Variants in TRIQK observed in about 807,000 individuals in gnomAD.
TRIQK encodes triple QxxK/R motif containing.
In TRIQK, 10 loss-of-function variants were observed where a neutral mutation model predicts 10.8. That is an observed-to-expected ratio of 0.92 (90% CI 0.57 to 1.57). The LOEUF (loss-of-function observed/expected upper bound fraction) is 1.57, where lower values mean the gene tolerates loss of function less well. Among genes scored for constraint, TRIQK ranks in the 40% most tolerant of loss-of-function variants. The pLI, the probability that TRIQK is intolerant of heterozygous loss-of-function variation, is 0.00. For synonymous variants in TRIQK, 33 were observed against 33.7 expected (o/e 0.98, Z 0.07); for missense variants, 107 against 97.7 (o/e 1.09, Z -0.40).
At chr8:92,913,031 T>C (rs1809648411) in intron 3 of TRIQK, among the ~76,000 whole-genome samples, 1 of 152,108 alleles carries the variant, frequency 6.6e-6, no homozygotes. Flanking sequence ...CACTATTCTC[T>C]TATGAACATA....
intron 1 of TRIQK, among the ~76,000 whole-genome samples, chr8:92,981,307 A>G (rs1042980607): frequency 6.6e-6 from 1 of 151,388 alleles, no homozygotes; most frequent in African/African-American, 2.4e-5. Context: ...ATTTCTTTTG[A>G]TCTCTCTTTT....
At chr8:93,001,628 A>C (rs904491732) in intron 1 of TRIQK, among the ~76,000 whole-genome samples, 8 of 152,210 alleles carry the variant, frequency 5.3e-5, no homozygotes, top group African/African-American at 1.9e-4. Context: ...AGAGCTCCTG[A>C]ATATATAAAG....
chr8:92,936,501 T>C (rs1810995258), intron 2 of TRIQK, among the ~76,000 whole-genome samples: 1 of 151,530 alleles, frequency 6.6e-6, no homozygotes, highest in South Asian at 2.1e-4. Context: ...GCAAGGAATT[T>C]AGTATATAGA....
At chr8:92,994,445 A>C (rs996825555) in intron 1 of TRIQK, among the ~76,000 whole-genome samples, 3 of 151,428 alleles carry the variant, frequency 2.0e-5, no homozygotes, top group Admixed American at 1.3e-4. Context: ...AAATCACATA[A>C]TTTTTTTTCC....
intron 2 of TRIQK, among the ~76,000 whole-genome samples, chr8:92,947,521 T>A (rs1198367375): frequency 6.9e-6 from 1 of 144,538 alleles, no homozygotes; most frequent in African/African-American, 2.6e-5. Context: ...GAGGCGGAGG[T>A]TGCAGTGAGC....
intron 2 of TRIQK, among the ~76,000 whole-genome samples, chr8:92,936,963 T>G (rs544443595): frequency 9.9e-5 from 15 of 151,538 alleles, no homozygotes; most frequent in Non-Finnish European, 1.9e-4. Context: ...TTAAGAAGAG[T>G]AATTAATAAA....
chr8:92,970,251 C>A (rs962456983), upstream of TRIQK, among the ~76,000 whole-genome samples: 3 of 152,160 alleles, frequency 2.0e-5, no homozygotes, highest in African/African-American at 7.2e-5. Context: ...CTGCAATGAA[C>A]ATGCGCATGC....
At chr8:92,916,116 T>G (rs1304294796) in intron 3 of TRIQK, among the ~76,000 whole-genome samples, 1 of 152,122 alleles carries the variant, frequency 6.6e-6, no homozygotes, top group African/African-American at 2.4e-5. Context: ...GAAGTTACCT[T>G]TTTGCTTCTA....
intron 2 of TRIQK, among the ~76,000 whole-genome samples, chr8:92,935,347 T>C (rs1427332621): frequency 6.6e-6 from 1 of 151,750 alleles, no homozygotes; most frequent in African/African-American, 2.4e-5. Context: ...AAATTATTGC[T>C]AAAATAAAAT....
chr8:92,951,099 T>A (rs1811875826), intron 2 of TRIQK, among the ~76,000 whole-genome samples: 1 of 152,262 alleles, frequency 6.6e-6, no homozygotes, highest in South Asian at 2.1e-4. Context: ...ATTTTTCTGT[T>A]ATTTTTTTAT....
chr8:92,910,095 TG>T (rs1809493707), intron 3 of TRIQK, among the ~76,000 whole-genome samples: 1 of 151,554 alleles, frequency 6.6e-6, no homozygotes. Flanking sequence ...GTTGCTTTAT[TG>T]ATTATTTAAA....
chr8:92,902,607 G>T (rs1449660029), intron 3 of TRIQK, among the ~76,000 whole-genome samples: 3 of 152,088 alleles, frequency 2.0e-5, no homozygotes, highest in African/African-American at 7.2e-5. Context: ...TGTTCAGTTT[G>T]GTGTTCCTGT....
chr8:92,908,485 T>C (rs1041121274), intron 3 of TRIQK, among the ~76,000 whole-genome samples: 1 of 152,164 alleles, frequency 6.6e-6, no homozygotes, highest in Admixed American at 6.5e-5. Flanking sequence ...GGCACATCTT[T>C]TCACCTGCAA....
rs141041447 is a variant in TRIQK at position 92,956,783 on chromosome 8, T to G, written c.-180-2219A>C. Among the ~76,000 whole-genome samples the G allele has an allele frequency of 1.8e-4, 27 of 151,992 alleles. No homozygotes were observed. In the East Asian group the frequency reaches 4.4e-3, roughly 25 times the overall value. ...GTCCCATGTCATTTCAAGTCTGTTT[T>G]TTGTCTCAATTAAGTTTGTAAAAAA... On this transcript the variant is annotated intron_variant, in intron 1 of 4. Coordinates refer to ENST00000521988, the MANE Select transcript of TRIQK (RefSeq NM_001171797.2).
intron 3 of TRIQK, among the ~76,000 whole-genome samples, chr8:92,916,078 C>G (rs1038263398): frequency 1.3e-5 from 2 of 151,838 alleles, no homozygotes; most frequent in African/African-American, 4.8e-5. Context: ...AAAAAGTGCA[C>G]TAAAGGAGAG....
chr8:92,895,210 C>CCAGAGG (rs1808530022), intron 3 of TRIQK, among the ~76,000 whole-genome samples: 2 of 152,280 alleles, frequency 1.3e-5, no homozygotes, highest in East Asian at 1.9e-4. Flanking sequence ...AAGGCCCTTG[C>CCAGAGG]CAGAGGCAGG....
At chr8:92,898,709 T>G (rs1175396288) in intron 3 of TRIQK, among the ~76,000 whole-genome samples, 1 of 151,482 alleles carries the variant, frequency 6.6e-6, no homozygotes, top group Admixed American at 6.6e-5. Flanking sequence ...AATGGCTGAG[T>G]CAAACAGAGG....
At chr8:92,933,942 C>T (rs943174702) in intron 2 of TRIQK, among the ~76,000 whole-genome samples, 2 of 152,014 alleles carry the variant, frequency 1.3e-5, no homozygotes, top group Non-Finnish European at 2.9e-5. Flanking sequence ...TGTGTATTAT[C>T]AATTTCAAGT....
chr8:93,010,451 T>C (rs1813321454), intron 1 of TRIQK, among the ~76,000 whole-genome samples: 1 of 152,094 alleles, frequency 6.6e-6, no homozygotes. Context: ...AGTATTTCAA[T>C]ACATGTTTAA....
Sources: gnomAD v4.1 joint callset for allele counts (sites outside exome capture counted in the v4.1 genomes callset) on GRCh38, gnomAD v4.1.1 for gene constraint, MANE v1.5 for transcripts, NCBI Gene and HGNC (gene_info 2026-07-23, HGNC 2026-07-21) for gene names.